Variants in APOBEC4 observed in about 807,000 individuals in gnomAD.
APOBEC4 encodes the protein apolipoprotein B mRNA editing enzyme catalytic polypeptide like 4.
For missense variants in APOBEC4, 375 were observed against 441.2 expected, an observed-to-expected ratio of 0.85 and a Z score of 1.34; for synonymous variants, 141 against 154.2, an observed-to-expected ratio of 0.91 and a Z score of 0.63.
rs1650387102 is a variant in APOBEC4 at position 183,647,667 on chromosome 1, G to T, written c.*11C>A. 25 of 1,585,166 alleles carry T rather than the reference G, an allele frequency of 1.6e-5. No individual in the cohort carries two copies. The highest frequency in any genetic ancestry group is 2.0e-5 in the Non-Finnish European group (23 of 1,163,796). ...CTTGGTAATTGGTTTCATGCTGTAG[G>T]AATGTAGATTTTATTTCTTCCCTTT... On this transcript the variant is annotated 3_prime_UTR_variant, in exon 2 of 2. Transcript: ENST00000308641.
chr1:183,647,831 T>TA lies in APOBEC4; in HGVS notation c.950dup (p.Arg318LysfsTer37). On this transcript the variant is annotated frameshift_variant, in exon 2 of 2. Transcript: ENST00000308641. LOFTEE classifies it low-confidence loss of function (END_TRUNC). Reference sequence around the variant, plus strand: ...ACATTTGAGGCATATTTAAGTGCCTTACGATATTCCTGGGTTTATTTGGGT... The same window carrying TA: ...ACATTTGAGGCATATTTAAGTGCCTTAACGATATTCCTGGGTTTATTTGGGT... 3 of 1,614,196 alleles carry TA rather than the reference T, an allele frequency of 1.9e-6. No individual in the cohort carries two copies. The Admixed American group carries it at 5.0e-5, about 27-fold the overall frequency.
chr1:183,650,178 A>G (rs557987975), intron 1 of APOBEC4, among the ~76,000 whole-genome samples: 3 of 152,294 alleles, frequency 2.0e-5, no homozygotes, highest in Admixed American at 1.3e-4. Context: ...TACATATAAT[A>G]TAAACAAAGT....
chr1:183,649,882 GCTCACTGTGGC>G (rs1650591080), intron 1 of APOBEC4, among the ~76,000 whole-genome samples: 1 of 152,128 alleles, frequency 6.6e-6, no homozygotes, highest in South Asian at 2.1e-4. Context: ...GATGATCATG[GCTCACTGTGGC>G]CCCAACCTTC....
In APOBEC4 at chr1:183,647,646, G is replaced by A. The variant is rs10911388; in HGVS notation, c.*32C>T. On this transcript the variant is annotated 3_prime_UTR_variant, in exon 2 of 2. Coordinates refer to ENST00000308641, the MANE Select transcript of APOBEC4 (RefSeq NM_203454.3). ...TATTGCCTATCTAATAAGTCCCTTG[G>A]TAATTGGTTTCATGCTGTAGGAATG... 2 of 1,546,556 alleles carry A rather than the reference G, an allele frequency of 1.3e-6. No homozygotes were observed. Among genetic ancestry groups the A allele is most frequent in the Non-Finnish European group, 1.7e-6 (2 of 1,147,156 alleles).
intron 1 of APOBEC4, among the ~76,000 whole-genome samples, chr1:183,649,182 T>C (rs1650537231): frequency 6.6e-6 from 1 of 152,196 alleles, no homozygotes; most frequent in African/African-American, 2.4e-5. Flanking sequence ...GTCTGTAAAA[T>C]GAAGATATTA....
chr1:183,648,618 G>T lies in APOBEC4; in HGVS notation c.164C>A (p.Pro55His). The stretch of plus-strand genomic sequence containing the variant: ...TGTTTGAGGAAATGTTGTCCCATAA[G>T]GGAATCCAAAAATCTGACAAAATTC... ...LTEFCQIFGF[P>H]YGTTFPQTKH... Residue 55 changes from proline (P) to histidine (H), a missense_variant, in exon 2 of 2, where the codon CCT (proline) becomes CAT (histidine). Coordinates refer to ENST00000308641, the MANE Select transcript of APOBEC4 (RefSeq NM_203454.3). The T allele has an allele frequency of 6.2e-7, 1 of 1,614,174 alleles. No individual in the cohort carries two copies. The highest frequency in any genetic ancestry group is 8.5e-7 in the Non-Finnish European group (1 of 1,180,018).
intron 1 of APOBEC4, 45 bp from the exon 2 acceptor site, chr1:183,648,856 A>G: frequency 8.2e-7 from 1 of 1,216,156 alleles, no homozygotes; most frequent in South Asian, 1.5e-5. Context: ...CGCAGGAAAA[A>G]CTGAAGACAG....
Position 183,647,896 on chromosome 1 carries a change from C to T in APOBEC4, c.886G>A (p.Val296Met). ...ATTGGTGGTAAGTCCCTGAGAGGCA[C>T]TAGCACAAAAACAACAGGAGCCCTG... The part of the protein sequence containing the change: ...DLRAPVVFVL[V>M]PLRDLPPMHM... The change falls in exon 2 of 2, where the codon GTG (valine) becomes ATG (methionine). Residue 296 changes from valine to methionine, a missense_variant. Val to Met is a conservative substitution (Grantham distance 21). Transcript: ENST00000308641. The T allele has an allele frequency of 6.2e-7, 1 of 1,614,160 alleles. No individual in the cohort carries two copies. Among genetic ancestry groups the T allele is most frequent in the Non-Finnish European group, 8.5e-7 (1 of 1,180,022 alleles).
At chr1:183,651,307 G>A (rs1650733962) in intron 1 of APOBEC4, among the ~76,000 whole-genome samples, 1 of 152,106 alleles carries the variant, frequency 6.6e-6, no homozygotes, top group South Asian at 2.1e-4. Flanking sequence ...ACTGACCATT[G>A]CAACAGAATA....
chr1:183,652,013 T>C (rs1650793286), intron 1 of APOBEC4, among the ~76,000 whole-genome samples: 2 of 152,376 alleles, frequency 1.3e-5, no homozygotes, highest in Middle Eastern at 3.4e-3. Context: ...TCCAGGTTAC[T>C]GCTCAGATTA....
rs1650378134 is a variant in APOBEC4 at position 183,647,576 on chromosome 1, A to C, written c.*102T>G. 5 of 1,473,706 alleles carry C rather than the reference A, an allele frequency of 3.4e-6. No individual in the cohort carries two copies. In the African/African-American group the frequency reaches 7.0e-5, roughly 21 times the overall value. The allele number at this position is 1,473,706 out of a possible 1,614,324, so 91.3% of individuals were successfully genotyped here. A position where few individuals can be genotyped will look rare whatever the true frequency, so the allele number is the denominator to read the frequency against. On this transcript the variant is annotated 3_prime_UTR_variant, in exon 2 of 2. Coordinates refer to ENST00000308641, the MANE Select transcript of APOBEC4 (RefSeq NM_203454.3). ...AGGTTTGCTTTTAGTGCATCAGTTT[A>C]TCTCCATCTTGGCTCAGCCCTGAGA...
chr1:183,651,830 G>C (rs1010908679), intron 1 of APOBEC4, among the ~76,000 whole-genome samples: 1 of 152,146 alleles, frequency 6.6e-6, no homozygotes, highest in African/African-American at 2.4e-5. Flanking sequence ...GGAACCTGAC[G>C]CCATTTCCTG....
At chr1:183,651,019 A>G (rs181888312) in intron 1 of APOBEC4, among the ~76,000 whole-genome samples, 153 of 152,272 alleles carry the variant, frequency 1.0e-3, no homozygotes, top group African/African-American at 3.5e-3. Context: ...TTATGCATCA[A>G]GAATATTAAA....
At position 183,646,487 on chromosome 1, in the gene APOBEC4, A is replaced by G. The variant is rs542293265; in HGVS notation, c.*1191T>C. ...AAAATGTACATTTTTCTTGTAATGT[A>G]TCTTTACATATTTCAAAGAGGCAAG... is the stretch of plus-strand genomic sequence containing the variant. On this transcript the variant is annotated 3_prime_UTR_variant, in exon 2 of 2. Transcript: ENST00000308641. The G allele has an allele frequency of 6.6e-6, 1 of 152,306 alleles. No homozygotes were observed. Among genetic ancestry groups the G allele is most frequent in the East Asian group, 1.9e-4 (1 of 5,188 alleles). The allele number at this position is 152,306 out of a possible 1,614,324, so 9.4% of individuals were successfully genotyped here.
chr1:183,649,293 T>A (rs1017854062), intron 1 of APOBEC4, among the ~76,000 whole-genome samples: 1 of 152,256 alleles, frequency 6.6e-6, no homozygotes, highest in Non-Finnish European at 1.5e-5. Flanking sequence ...TCAGTAAATA[T>A]TAACTCTTAG....
Position 183,648,097 on chromosome 1 carries a change from TTTCA to T in APOBEC4, c.681_684del (p.Tyr227Ter). Reference sequence around the variant, plus strand: ...GGTTTTACGCCTGTTATGGCATTGATTTCATATGCGTTGTGCCTGTCAGCCAGTG... The same window carrying T: ...GGTTTTACGCCTGTTATGGCATTGATTATGCGTTGTGCCTGTCAGCCAGTG... On this transcript the variant is annotated frameshift_variant, in exon 2 of 2. Transcript: ENST00000308641. LOFTEE classifies it low-confidence loss of function (END_TRUNC). The T allele has an allele frequency of 6.2e-7, 1 of 1,614,238 alleles. No homozygotes were observed. The highest frequency in any genetic ancestry group is 1.1e-5 in the South Asian group (1 of 91,086).
chr1:183,648,762 T>C lies in APOBEC4; in HGVS notation c.20A>G (p.Glu7Gly). ...TATTGTTCCATGATTTGCTAGGTAC[T>C]CCTCATATATGGGCTCCATTGCTAG... MEPIYE[E>G]YLANHGTIVK... is the part of the protein sequence containing the mutation. Residue 7 changes from glutamate (E) to glycine (G), a missense_variant, in exon 2 of 2, where the codon GAG becomes GGG. Transcript: ENST00000308641. The C allele has an allele frequency of 6.2e-7, 1 of 1,604,514 alleles. No individual in the cohort carries two copies. Among genetic ancestry groups the C allele is most frequent in the South Asian group, 1.1e-5 (1 of 90,208 alleles).
rs1650502860 is a variant in APOBEC4 at position 183,648,740 on chromosome 1, T to C, written c.42A>G (p.Thr14=). ...TTAGCCAGTAATATGGTTTTACTAT[T>C]GTTCCATGATTTGCTAGGTACTCCT... The part of the protein sequence containing the change: ...IYEEYLANHG[T]IVKPYYWLSF... Residue 14 remains threonine, a synonymous_variant, in exon 2 of 2, where the codon ACA becomes ACG. Transcript: ENST00000308641. 6.2e-7 allele frequency: 1 copy of C among 1,613,130 alleles called. No individual in the cohort carries two copies. Among genetic ancestry groups the C allele is most frequent in the Non-Finnish European group, 8.5e-7 (1 of 1,179,574 alleles).
intron 1 of APOBEC4, among the ~76,000 whole-genome samples, chr1:183,650,745 T>C (rs544586014): frequency 3.3e-5 from 5 of 149,492 alleles, no homozygotes; most frequent in African/African-American, 1.2e-4. Context: ...CTAGAAATCA[T>C]AGTATTAGGT....
Sources: allele counts gnomAD v4.1 joint callset (sites outside exome capture counted in the v4.1 genomes callset), GRCh38; gene constraint gnomAD v4.1.1; transcripts MANE v1.5; gene names NCBI Gene and HGNC (gene_info 2026-07-23, HGNC 2026-07-21).